Variants in KCNIP4 observed in about 807,000 individuals in gnomAD.
KCNIP4 encodes potassium voltage-gated channel interacting protein 4.
A neutral mutation model predicts 34.0 loss-of-function variants in KCNIP4; 12 were observed. The observed-to-expected ratio is 0.35, with a 90% CI of 0.23 to 0.57. The LOEUF is 0.57. Ranked by LOEUF, KCNIP4 falls within the 20% of genes least tolerant of loss-of-function variation. The probability of loss-of-function intolerance (pLI) is 0.83; values close to 1 mark genes in which losing one functional copy is unlikely to be tolerated. For missense variants in KCNIP4, 238 were observed against 311.7 expected (o/e 0.76, Z 1.78); for synonymous variants, 124 against 102.2 (o/e 1.21, Z -1.29).
At chr4:20,870,106 G>T (rs7670274) in intron 2 of KCNIP4, among the ~76,000 whole-genome samples, 201 of 152,138 alleles carry the variant, frequency 1.3e-3, no homozygotes, top group African/African-American at 4.6e-3. Flanking sequence ...GTACAGAGAA[G>T]TTGAATAAAC....
intron 1 of KCNIP4, among the ~76,000 whole-genome samples, chr4:21,513,539 C>T (rs1240928746): frequency 1.3e-5 from 2 of 152,176 alleles, no homozygotes; most frequent in African/African-American, 4.8e-5. Flanking sequence ...AGATCTGCCT[C>T]TTACTATCTG....
intron 3 of KCNIP4, among the ~76,000 whole-genome samples, chr4:20,801,342 A>G (rs534338358): frequency 1.3e-5 from 2 of 152,170 alleles, no homozygotes; most frequent in Non-Finnish European, 2.9e-5. Flanking sequence ...ATAAGTATAT[A>G]TGCAACTATA....
intron 3 of KCNIP4, among the ~76,000 whole-genome samples, chr4:20,763,155 C>T (rs1219637928): frequency 6.6e-6 from 1 of 152,138 alleles, no homozygotes; most frequent in Non-Finnish European, 1.5e-5. Context: ...CAAAGCATAA[C>T]CACATCACCA....
chr4:21,315,451 T>C (rs1422933909), intron 1 of KCNIP4: 2 of 152,212 alleles, frequency 1.3e-5, no homozygotes, highest in South Asian at 4.1e-4. Flanking sequence ...ATCCACTGTT[T>C]GTAATAGATC....
At chr4:20,818,465 A>G (rs12501548) in intron 3 of KCNIP4, among the ~76,000 whole-genome samples, 70,213 of 152,052 alleles carry the variant, frequency 0.46, 16,928 homozygotes, top group Admixed American at 0.62. Context: ...AGCCCTTGGT[A>G]TGTCTTGTCA....
At chr4:20,859,957 C>T (rs1412774366) in intron 2 of KCNIP4, among the ~76,000 whole-genome samples, 1 of 152,142 alleles carries the variant, frequency 6.6e-6, no homozygotes, top group African/African-American at 2.4e-5. Flanking sequence ...GCCTATAAAG[C>T]ATGAAACACT....
intron 1 of KCNIP4, among the ~76,000 whole-genome samples, chr4:21,694,569 G>A (rs1322729834): frequency 6.6e-6 from 1 of 151,978 alleles, no homozygotes; most frequent in Non-Finnish European, 1.5e-5. Flanking sequence ...ATTTTAGCTG[G>A]ACAAATCTTT....
intron 1 of KCNIP4, among the ~76,000 whole-genome samples, chr4:20,992,864 C>T (rs1737202312): frequency 6.6e-6 from 1 of 151,768 alleles, no homozygotes; most frequent in South Asian, 2.1e-4. Context: ...CCTGTCTCTA[C>T]TAAAAATACA....
intron 1 of KCNIP4, among the ~76,000 whole-genome samples, chr4:21,200,328 A>G (rs974949440): frequency 1.4e-4 from 15 of 108,172 alleles, no homozygotes; most frequent in Admixed American, 4.5e-4. Context: ...ATATGTGTGT[A>G]TATATATATA....
chr4:21,262,347 C>A (rs1375180653), intron 1 of KCNIP4, among the ~76,000 whole-genome samples: 1 of 152,136 alleles, frequency 6.6e-6, no homozygotes, highest in African/African-American at 2.4e-5. Context: ...CTGCCAGCAT[C>A]TGTGTCTCTT....
intron 1 of KCNIP4, among the ~76,000 whole-genome samples, chr4:21,004,283 A>G (rs1178964115): frequency 6.6e-6 from 1 of 152,232 alleles, no homozygotes; most frequent in African/African-American, 2.4e-5. Context: ...GAGAGGTAAA[A>G]TAACCACAAC....
chr4:21,647,827 G>A (rs1278001039), intron 1 of KCNIP4, among the ~76,000 whole-genome samples: 3 of 146,944 alleles, frequency 2.0e-5, no homozygotes, highest in Non-Finnish European at 4.4e-5. Flanking sequence ...AGGCTCCTCA[G>A]GCCTGCCCCT....
At chr4:20,913,891 C>T (rs2149574242) in intron 1 of KCNIP4, among the ~76,000 whole-genome samples, 1 of 152,148 alleles carries the variant, frequency 6.6e-6, no homozygotes, top group African/African-American at 2.4e-5. Context: ...CGCGGTGGCT[C>T]ATGCCTGTAA....
intron 1 of KCNIP4, among the ~76,000 whole-genome samples, chr4:21,038,435 C>A (rs973213042): frequency 2.0e-5 from 3 of 152,084 alleles, no homozygotes; most frequent in African/African-American, 7.2e-5. Flanking sequence ...TGACTCATAG[C>A]AGAAGCAGTA....
At chr4:21,589,263 C>CATATATATGTGTAT (rs1490850793) in intron 1 of KCNIP4, among the ~76,000 whole-genome samples, 2 of 105,340 alleles carry the variant, frequency 1.9e-5, no homozygotes, top group Non-Finnish European at 3.8e-5. Context: ...TGTATCTATA[C>CATATATATGTGTAT]AGATACATAT....
At chr4:21,716,295 G>T (rs2109087577) in intron 1 of KCNIP4, among the ~76,000 whole-genome samples, 1 of 152,160 alleles carries the variant, frequency 6.6e-6, no homozygotes, top group East Asian at 1.9e-4. Context: ...GGAGTGCAAT[G>T]GCGTGATCTC....
At chr4:21,393,415 A>G (rs1560361782) in intron 1 of KCNIP4, among the ~76,000 whole-genome samples, 2 of 152,202 alleles carry the variant, frequency 1.3e-5, no homozygotes, top group South Asian at 4.1e-4. Context: ...AAGAAAGGAT[A>G]GAACACTGGG....
chr4:21,481,424 G>A (rs147644150), intron 1 of KCNIP4, among the ~76,000 whole-genome samples: 436 of 152,194 alleles, frequency 2.9e-3, no homozygotes, highest in Middle Eastern at 0.017. Context: ...ACCAGAGAGG[G>A]GGCTTAACTA....
intron 1 of KCNIP4, among the ~76,000 whole-genome samples, chr4:21,871,836 C>G (rs868646760): frequency 5.4e-5 from 7 of 129,764 alleles, no homozygotes; most frequent in Middle Eastern, 5.3e-3. Context: ...GTTCACTGAT[C>G]CCCTCTCCTC....
Sources: allele counts gnomAD v4.1 joint callset (sites outside exome capture counted in the v4.1 genomes callset), GRCh38; gene constraint gnomAD v4.1.1; transcripts MANE v1.5; gene names NCBI Gene and HGNC (gene_info 2026-07-23, HGNC 2026-07-21).